SEPTIN11: variants seen among roughly 807,000 people sequenced by gnomAD.
SEPTIN11 encodes the protein septin-11.
SEPTIN11 carries 25 observed loss-of-function variants against 51.4 expected under a neutral mutation model. That is an observed-to-expected ratio of 0.49 (90% CI 0.35 to 0.68). The LOEUF (loss-of-function observed/expected upper bound fraction) is 0.68, where lower values mean the gene tolerates loss of function less well. Among genes scored for constraint, SEPTIN11 ranks in the 30% least tolerant of loss-of-function variants. The probability of loss-of-function intolerance (pLI) is 0.00; values close to 1 mark genes in which losing one functional copy is unlikely to be tolerated. For synonymous variants in SEPTIN11, 174 were observed against 184.1 expected, an observed-to-expected ratio of 0.95 and a Z score of 0.44; for missense variants, 381 against 520.8, an observed-to-expected ratio of 0.73 and a Z score of 2.61.
At position 77,036,322 on chromosome 4, in the gene SEPTIN11, C is replaced by G; in HGVS notation, c.*1810C>G. The G allele has an allele frequency of 9.7e-7, 1 of 1,032,546 alleles. No individual in the cohort carries two copies. The highest frequency in any genetic ancestry group is 1.7e-5 in the African/African-American group (1 of 57,560). 64.0% of individuals were successfully genotyped at this position (1,032,546 alleles called of 1,614,324 possible). A position where few individuals can be genotyped will look rare whatever the true frequency, so the allele number is the denominator to read the frequency against. ...AGTCTGGAGCTAACTGTGGAGCAGC[C>G]AAATAGTAGCTGGCATGTTGATTCA... On this transcript the variant is annotated 3_prime_UTR_variant, in exon 10 of 10. Coordinates refer to ENST00000264893, the MANE Select transcript of SEPTIN11 (RefSeq NM_018243.4).
rs575029797 is a variant in SEPTIN11 at position 76,961,491 on chromosome 4, A to G, written c.27+11561A>G. Among the ~76,000 whole-genome samples the G allele has an allele frequency of 7.9e-5, 12 of 152,300 alleles. No individual in the cohort carries two copies. The South Asian group carries it at 2.5e-3, about 32-fold the overall frequency. On this transcript the variant is annotated intron_variant, in intron 1 of 9. Transcript: ENST00000264893. ...ATGCTCCTCAGCTTGCAGTGGGGTT[A>G]TGTCCTGATAACCACATTATATTGA...
At chr4:77,019,084 G>T in intron 5 of SEPTIN11, 81 bp from the exon 6 acceptor site, 3 of 1,326,026 alleles carry the variant, frequency 2.3e-6, no homozygotes, top group African/African-American at 1.4e-5. Context: ...GCCTGCAGAA[G>T]GAGGGAGAAG....
intron 3 of SEPTIN11, among the ~76,000 whole-genome samples, chr4:77,006,850 G>A (rs1724509914): frequency 1.3e-5 from 2 of 152,154 alleles, no homozygotes; most frequent in Admixed American, 6.5e-5. Flanking sequence ...ATATAAGTAT[G>A]AGCACCACAG....
chr4:76,959,253 G>GGT (rs1560693042), intron 1 of SEPTIN11: 2 of 135,876 alleles, frequency 1.5e-5, no homozygotes, highest in African/African-American at 2.9e-5. Flanking sequence ...ACAAGACAAG[G>GGT]TTTTTTTTTT....
At chr4:77,005,452 G>A in intron 2 of SEPTIN11, 149 bp from the exon 3 acceptor site, 1 of 652,656 alleles carries the variant, frequency 1.5e-6, no homozygotes, top group East Asian at 3.0e-5. Context: ...ATTACACATA[G>A]AAAGAATTAT....
chr4:77,016,917 T>C (rs1725352048), intron 5 of SEPTIN11, among the ~76,000 whole-genome samples: 1 of 152,038 alleles, frequency 6.6e-6, no homozygotes. Flanking sequence ...GTGCATAGGT[T>C]ATTTGTAAAT....
chr4:76,987,866 A>T, intron 1 of SEPTIN11: 1 of 970,870 alleles, frequency 1.0e-6, no homozygotes, highest in Non-Finnish European at 1.2e-6. Flanking sequence ...ACCTAAGATG[A>T]AGGGGTATGT....
intron 1 of SEPTIN11, among the ~76,000 whole-genome samples, chr4:76,986,327 T>A (rs1438419900): frequency 6.7e-6 from 1 of 149,676 alleles, no homozygotes; most frequent in Non-Finnish European, 1.5e-5. Context: ...TCCACCGAGA[T>A]GTTGGCTTAG....
intron 5 of SEPTIN11, among the ~76,000 whole-genome samples, chr4:77,017,375 G>A (rs1725377721): frequency 1.3e-5 from 2 of 151,970 alleles, no homozygotes; most frequent in Non-Finnish European, 2.9e-5. Flanking sequence ...CAAATTCCAC[G>A]TAATGTCTGA....
At position 76,976,607 on chromosome 4, in the gene SEPTIN11, C is replaced by T. The variant is rs567756429; in HGVS notation, c.28-19818C>T. On this transcript the variant is annotated intron_variant, in intron 1 of 9. Coordinates refer to ENST00000264893, the MANE Select transcript of SEPTIN11 (RefSeq NM_018243.4). ...GTTGCACTTCTTGGAAAGGGTAACC[C>T]GCTATTTGACTTATGTTGGGAGCCA... 3.3e-5 allele frequency among the ~76,000 whole-genome samples: 5 copies of T among 152,224 alleles called. No individual in the cohort carries two copies. The East Asian group carries it at 5.8e-4, about 18-fold the overall frequency.
chr4:76,984,482 C>T lies in SEPTIN11; in HGVS notation c.28-11943C>T, dbSNP rs561575509. 1.1e-3 allele frequency among the ~76,000 whole-genome samples: 172 copies of T among 152,236 alleles called. 1 individual carries two copies. Among genetic ancestry groups the T allele is most frequent in the African/African-American group, 4.0e-3 (166 of 41,518 alleles). Reference sequence around the variant, plus strand: ...AGAAATGGTGGCATCGGGAAGGAAGCGTCCCATCCATATTTCATTATTTGC... The same window carrying T: ...AGAAATGGTGGCATCGGGAAGGAAGTGTCCCATCCATATTTCATTATTTGC... On this transcript the variant is annotated intron_variant, in intron 1 of 9. Transcript: ENST00000264893. The surrounding 1 kb of genome is among the most constrained non-coding windows in gnomAD (Gnocchi z 4.1).
At chr4:77,012,195 G>A (rs1363671313) in intron 4 of SEPTIN11, among the ~76,000 whole-genome samples, 2 of 151,124 alleles carry the variant, frequency 1.3e-5, no homozygotes, top group East Asian at 1.9e-4. Flanking sequence ...TAACTTCCAG[G>A]TTTGTTTACT....
chr4:77,019,550 T>G (rs939942098), intron 6 of SEPTIN11, among the ~76,000 whole-genome samples: 1 of 152,160 alleles, frequency 6.6e-6, no homozygotes, highest in Admixed American at 6.5e-5. Flanking sequence ...AGTTCTTCCC[T>G]AGGAGTTGGA....
chr4:76,996,392 G>A (rs1279803697), intron 1 of SEPTIN11, 33 bp from the exon 2 acceptor site: 1 of 1,441,600 alleles, frequency 6.9e-7, no homozygotes, highest in East Asian at 2.3e-5. Flanking sequence ...CATGGTTCAT[G>A]GACACTCAAA....
chr4:76,970,348 G>C (rs552651529), intron 1 of SEPTIN11, among the ~76,000 whole-genome samples: 2 of 152,294 alleles, frequency 1.3e-5, no homozygotes, highest in African/African-American at 4.8e-5. Context: ...TAGAGTAGTG[G>C]CTAGCACAAA....
intron 6 of SEPTIN11, among the ~76,000 whole-genome samples, chr4:77,019,858 G>A (rs188838414): frequency 3.9e-5 from 6 of 152,256 alleles, no homozygotes; most frequent in Admixed American, 1.3e-4. Flanking sequence ...AAAGTTCTTC[G>A]CTGGTTTAAG....
intron 1 of SEPTIN11, chr4:76,972,582 G>A (rs1722296629): frequency 6.6e-6 from 1 of 152,058 alleles, no homozygotes; most frequent in Admixed American, 6.6e-5. Flanking sequence ...TTGAAGAAAT[G>A]TTTATGAGGT....
intron 1 of SEPTIN11, 128 bp downstream of exon 1, chr4:76,950,058 T>C: frequency 2.0e-6 from 2 of 999,828 alleles, no homozygotes; most frequent in Admixed American, 4.2e-5. Flanking sequence ...CGGCTGTGGG[T>C]GTGTGCACGA....
rs955895612 is a variant in SEPTIN11, at chr4:77,037,284, C to T, written c.*2772C>T. ...GGCTAAGTCAGGAGAATTGCTTGAA[C>T]TTGGGAGATGGAGGTTGCAGTGAGC... On this transcript the variant is annotated 3_prime_UTR_variant, in exon 10 of 10. Transcript: ENST00000264893. The T allele has an allele frequency of 6.4e-5, 49 of 762,672 alleles. No individual in the cohort carries two copies. In the Middle Eastern group the frequency reaches 2.7e-3, roughly 42 times the overall value. The allele number at this position is 762,672 out of a possible 1,614,324, so 47.2% of individuals were successfully genotyped here.
Sources: gnomAD v4.1 joint callset for allele counts (sites outside exome capture counted in the v4.1 genomes callset) on GRCh38, gnomAD v4.1.1 for gene constraint, Gnocchi (gnomAD v3.1) non-coding constraint, MANE v1.5 for transcripts, NCBI Gene and HGNC (gene_info 2026-07-23, HGNC 2026-07-21) for gene names.